FSTL5: variants seen among roughly 807,000 people sequenced by gnomAD.
The protein encoded by FSTL5 is follistatin like 5.
A neutral mutation model predicts 89.1 loss-of-function variants in FSTL5; 62 were observed. The observed-to-expected ratio is 0.70, with a 90% CI of 0.57 to 0.86. The LOEUF (loss-of-function observed/expected upper bound fraction) is 0.86, where lower values mean the gene tolerates loss of function less well. Among genes scored for constraint, FSTL5 ranks in the 40% least tolerant of loss-of-function variants. The pLI is 0.00. For synonymous variants in FSTL5, 383 were observed against 346.2 expected, an observed-to-expected ratio of 1.11 and a Z score of -1.18; for missense variants, 1,057 against 1,001.6, an observed-to-expected ratio of 1.06 and a Z score of -0.75.
At chr4:161,453,588 AT>A (rs1733246582) in intron 15 of FSTL5, among the ~76,000 whole-genome samples, 1 of 152,058 alleles carries the variant, frequency 6.6e-6, no homozygotes, top group Non-Finnish European at 1.5e-5. Context: ...AAAATGTGTA[AT>A]AATAATAATT....
At chr4:161,778,403 G>A (rs1331961824) in intron 4 of FSTL5, among the ~76,000 whole-genome samples, 1 of 152,010 alleles carries the variant, frequency 6.6e-6, no homozygotes, top group Non-Finnish European at 1.5e-5. Flanking sequence ...TGACAATTAG[G>A]CTTAAGAGCA....
At chr4:161,799,938 T>G (rs1729744750) in intron 4 of FSTL5, among the ~76,000 whole-genome samples, 1 of 151,688 alleles carries the variant, frequency 6.6e-6, no homozygotes, top group Non-Finnish European at 1.5e-5. Flanking sequence ...AATATTGACA[T>G]AACATGCGGG....
At chr4:161,856,476 A>G (rs1731723832) in intron 4 of FSTL5, among the ~76,000 whole-genome samples, 1 of 152,076 alleles carries the variant, frequency 6.6e-6, no homozygotes, top group African/African-American at 2.4e-5. Flanking sequence ...ACTATGGTTT[A>G]CTTATATGCA....
At chr4:162,009,857 G>A (rs1351113117) in intron 3 of FSTL5, among the ~76,000 whole-genome samples, 1 of 151,798 alleles carries the variant, frequency 6.6e-6, no homozygotes. Flanking sequence ...CAAATTACGT[G>A]TAGTAGCACC....
intron 15 of FSTL5, among the ~76,000 whole-genome samples, chr4:161,426,322 A>C (rs770097347): frequency 3.3e-5 from 5 of 152,194 alleles, no homozygotes; most frequent in Non-Finnish European, 7.3e-5. Flanking sequence ...AGTATGATAA[A>C]TGCTTCAATA....
intron 7 of FSTL5, among the ~76,000 whole-genome samples, chr4:161,621,842 A>T (rs1223275697): frequency 6.7e-6 from 1 of 150,302 alleles, no homozygotes; most frequent in Admixed American, 6.6e-5. Context: ...AAAAAAAAAA[A>T]AAAAAAATAG....
At chr4:161,546,665 A>T (rs1402036161) in intron 8 of FSTL5, among the ~76,000 whole-genome samples, 1 of 151,930 alleles carries the variant, frequency 6.6e-6, no homozygotes, top group Non-Finnish European at 1.5e-5. Flanking sequence ...GAACCTACAC[A>T]AAAAGTAGTA....
chr4:161,959,491 G>T (rs987999893), intron 3 of FSTL5, among the ~76,000 whole-genome samples: 4 of 152,028 alleles, frequency 2.6e-5, no homozygotes, highest in Admixed American at 6.6e-5. Flanking sequence ...ACATTTTCAT[G>T]TTAAAACTGT....
chr4:161,772,327 CT>C (rs1741237408), intron 5 of FSTL5, among the ~76,000 whole-genome samples: 1 of 152,000 alleles, frequency 6.6e-6, no homozygotes, highest in African/African-American at 2.4e-5. Context: ...TGTTAAGATC[CT>C]TTCTCTTTTT....
At chr4:162,016,012 A>T (rs1578949402) in intron 3 of FSTL5, among the ~76,000 whole-genome samples, 1 of 152,138 alleles carries the variant, frequency 6.6e-6, no homozygotes. Context: ...AATGTTCATT[A>T]GATACTACTT....
chr4:161,641,086 C>A (rs1735942785), intron 7 of FSTL5, among the ~76,000 whole-genome samples: 1 of 152,102 alleles, frequency 6.6e-6, no homozygotes, highest in Non-Finnish European at 1.5e-5. Context: ...ATTAAGACAT[C>A]CACACATAAA....
chr4:161,834,319 T>C (rs186431890), intron 4 of FSTL5, among the ~76,000 whole-genome samples: 68 of 152,272 alleles, frequency 4.5e-4, no homozygotes, highest in African/African-American at 1.6e-3. Context: ...ACAAGAGTTA[T>C]CTATGACAAA....
At chr4:161,863,982 T>C (rs768435432) in intron 4 of FSTL5, among the ~76,000 whole-genome samples, 29 of 152,234 alleles carry the variant, frequency 1.9e-4, no homozygotes, top group Non-Finnish European at 3.4e-4. Flanking sequence ...TGTTGACATT[T>C]GTTATAACTC....
At chr4:162,020,811 A>T (rs1045188995) in intron 3 of FSTL5, among the ~76,000 whole-genome samples, 2 of 152,162 alleles carry the variant, frequency 1.3e-5, no homozygotes, top group South Asian at 4.1e-4. Flanking sequence ...ACAAGCAAAG[A>T]TAAAAGTATT....
chr4:161,675,685 G>A (rs187915716), intron 6 of FSTL5, among the ~76,000 whole-genome samples: 1 of 151,826 alleles, frequency 6.6e-6, no homozygotes, highest in Non-Finnish European at 1.5e-5. Context: ...TTTATAATTA[G>A]ATTTTAATAA....
intron 15 of FSTL5, among the ~76,000 whole-genome samples, chr4:161,447,353 C>A (rs1057191180): frequency 2.6e-5 from 4 of 151,966 alleles, no homozygotes; most frequent in African/African-American, 9.7e-5. Flanking sequence ...ATCGCATTGA[C>A]CCATACATCA....
chr4:161,824,984 A>C (rs370105563), intron 4 of FSTL5, among the ~76,000 whole-genome samples: 3 of 152,154 alleles, frequency 2.0e-5, no homozygotes, highest in Non-Finnish European at 4.4e-5. Flanking sequence ...TCTCAGAGGA[A>C]TGCTTTCAAC....
At chr4:161,658,144 A>G (rs1198906829) in intron 6 of FSTL5, among the ~76,000 whole-genome samples, 1 of 152,116 alleles carries the variant, frequency 6.6e-6, no homozygotes, top group East Asian at 1.9e-4. Context: ...CCATATTCCC[A>G]TTTATTTCAA....
At chr4:161,537,568 GAGA>G (rs1400249905) in intron 10 of FSTL5, among the ~76,000 whole-genome samples, 3 of 152,274 alleles carry the variant, frequency 2.0e-5, no homozygotes, top group African/African-American at 7.2e-5. Context: ...CAAAATAAAA[GAGA>G]AGAAGACATT....
Sources: gnomAD v4.1 joint callset for allele counts (sites outside exome capture counted in the v4.1 genomes callset) on GRCh38, gnomAD v4.1.1 for gene constraint, MANE v1.5 for transcripts, NCBI Gene and HGNC (gene_info 2026-07-23, HGNC 2026-07-21) for gene names.